The following TMEM132C variants were observed in gnomAD, a reference collection of about 807,000 sequenced individuals.
TMEM132C encodes transmembrane protein 132C, also known as protein phosphatase 1, regulatory subunit 152.
A neutral mutation model predicts 61.4 loss-of-function variants in TMEM132C; 29 were observed. The observed-to-expected ratio is 0.47, with a 90% CI of 0.35 to 0.64. The LOEUF (loss-of-function observed/expected upper bound fraction) is 0.64. Among genes scored for constraint, TMEM132C ranks in the 30% least tolerant of loss-of-function variants. TMEM132C has a pLI of 0.00. For synonymous variants in TMEM132C, 656 were observed against 633.1 expected (o/e 1.04, Z -0.54); for missense variants, 1,408 against 1,476.9 (o/e 0.95, Z 0.76).
intron 4 of TMEM132C, among the ~76,000 whole-genome samples, chr12:128,664,415 T>C (rs916153190): frequency 2.0e-5 from 3 of 152,222 alleles, no homozygotes; most frequent in Admixed American, 6.5e-5. Flanking sequence ...CCCTACCTTA[T>C]TGATTATTTT....
At chr12:128,618,410 C>T (rs11059794) in intron 4 of TMEM132C, among the ~76,000 whole-genome samples, 1 of 152,298 alleles carries the variant, frequency 6.6e-6, no homozygotes, top group East Asian at 1.9e-4. Flanking sequence ...TTCAAACAAG[C>T]TTTATTCAAA....
chr12:128,562,375 G>A (rs73159899), intron 3 of TMEM132C, among the ~76,000 whole-genome samples: 5,454 of 152,228 alleles, frequency 0.036, 154 homozygotes, highest in Non-Finnish European at 0.057. Flanking sequence ...AGGTTGTTCC[G>A]TAAGGCTGTT....
chr12:128,281,435 T>A (rs528088402), intron 1 of TMEM132C, among the ~76,000 whole-genome samples: 10 of 152,292 alleles, frequency 6.6e-5, no homozygotes, highest in Admixed American at 1.3e-4. Flanking sequence ...GGAAAGCCAA[T>A]TGTAGCATCA....
intron 1 of TMEM132C, among the ~76,000 whole-genome samples, chr12:128,357,520 C>A (rs1050492744): frequency 2.6e-5 from 4 of 151,916 alleles, no homozygotes; most frequent in Non-Finnish European, 4.4e-5. Flanking sequence ...CATGGTGAAA[C>A]CCTGTCTCTA....
rs563741432 is a variant in TMEM132C at position 128,541,879 on chromosome 12, C to T, written c.975-2078C>T. Among the ~76,000 whole-genome samples the T allele has an allele frequency of 5.9e-5, 9 of 152,216 alleles. No homozygotes were observed. The South Asian group carries it at 6.2e-4, about 11-fold the overall frequency. ...GGTGAAGATGCAGTCTAGGGGGACC[C>T]GCCTGCGAATCTCAGCATTCAGCAC... On this transcript the variant is annotated intron_variant, in intron 2 of 8. Coordinates refer to ENST00000435159, the MANE Select transcript of TMEM132C (RefSeq NM_001136103.3).
chr12:128,587,296 G>T (rs547165382), intron 3 of TMEM132C, among the ~76,000 whole-genome samples: 101 of 152,344 alleles, frequency 6.6e-4, no homozygotes, highest in African/African-American at 2.4e-3. Flanking sequence ...AGAGCAAAGT[G>T]CCAGGACATT....
chr12:128,444,253 C>G (rs1410198028), intron 2 of TMEM132C, among the ~76,000 whole-genome samples: 3 of 152,184 alleles, frequency 2.0e-5, no homozygotes, highest in Non-Finnish European at 4.4e-5. Flanking sequence ...TTGTAGCGTT[C>G]TCTTTGGACC....
chr12:128,477,576 TTTG>T (rs142652985), intron 2 of TMEM132C, among the ~76,000 whole-genome samples: 15,367 of 151,812 alleles, frequency 0.1, 967 homozygotes, highest in East Asian at 0.26. Context: ...GTTTGTTTGT[TTTG>T]TTGTTGTTGT....
At chr12:128,667,121 A>G (rs1261832201) in intron 4 of TMEM132C, among the ~76,000 whole-genome samples, 3 of 152,242 alleles carry the variant, frequency 2.0e-5, no homozygotes, top group Non-Finnish European at 4.4e-5. Context: ...AGATATATAT[A>G]CATACACATA....
chr12:128,338,563 C>T (rs1478351768), intron 1 of TMEM132C, among the ~76,000 whole-genome samples: 1 of 152,010 alleles, frequency 6.6e-6, no homozygotes, highest in Non-Finnish European at 1.5e-5. Flanking sequence ...GAGCTGAGCA[C>T]ATGCTGGGTG....
intron 1 of TMEM132C, among the ~76,000 whole-genome samples, chr12:128,269,126 A>G (rs573694025): frequency 6.6e-6 from 1 of 152,214 alleles, no homozygotes; most frequent in African/African-American, 2.4e-5. Flanking sequence ...CAAAGTGGCC[A>G]TTGAAGAATT....
chr12:128,617,203 C>G (rs1393477096), intron 4 of TMEM132C, among the ~76,000 whole-genome samples: 1 of 152,188 alleles, frequency 6.6e-6, no homozygotes, highest in African/African-American at 2.4e-5. Flanking sequence ...GCAGACCACA[C>G]TTGGAGTGTG....
At chr12:128,681,018 T>C (rs146419585) in intron 5 of TMEM132C, among the ~76,000 whole-genome samples, 1 of 152,318 alleles carries the variant, frequency 6.6e-6, no homozygotes, top group African/African-American at 2.4e-5. Context: ...TCGGGGAAGA[T>C]GTAGCTCTGG....
chr12:128,702,880 A>T (rs567573551), intron 8 of TMEM132C, among the ~76,000 whole-genome samples: 17 of 152,244 alleles, frequency 1.1e-4, no homozygotes, highest in African/African-American at 3.9e-4. Flanking sequence ...TCCGGGATGG[A>T]TGGGGACAAA....
intron 3 of TMEM132C, among the ~76,000 whole-genome samples, chr12:128,560,457 G>T (rs1313985154): frequency 1.3e-5 from 2 of 152,048 alleles, no homozygotes; most frequent in Admixed American, 1.3e-4. Context: ...TCTACCCCAG[G>T]GCTCTTGGAT....
intron 3 of TMEM132C, among the ~76,000 whole-genome samples, chr12:128,565,408 A>G (rs1239321012): frequency 1.3e-5 from 2 of 152,228 alleles, no homozygotes; most frequent in Non-Finnish European, 2.9e-5. Context: ...GTTGTTTTAA[A>G]CCACAGATTT....
chr12:128,465,075 A>G (rs1035511149), intron 2 of TMEM132C, among the ~76,000 whole-genome samples: 9 of 152,176 alleles, frequency 5.9e-5, no homozygotes, highest in South Asian at 2.1e-4. Flanking sequence ...ACGTCCTCCT[A>G]TGCTTGTTGG....
chr12:128,561,388 C>A (rs1238349188), intron 3 of TMEM132C, among the ~76,000 whole-genome samples: 1 of 152,158 alleles, frequency 6.6e-6, no homozygotes, highest in Admixed American at 6.5e-5. Context: ...AGGCTGTTCC[C>A]CTAAAAGCTT....
chr12:128,400,709 A>G (rs1480053020), intron 1 of TMEM132C, among the ~76,000 whole-genome samples: 1 of 151,564 alleles, frequency 6.6e-6, no homozygotes, highest in Non-Finnish European at 1.5e-5. Context: ...CCCGGGTTCA[A>G]GCGATTCTCT....
Sources: gnomAD v4.1 joint callset for allele counts (sites outside exome capture counted in the v4.1 genomes callset) on GRCh38, gnomAD v4.1.1 for gene constraint, MANE v1.5 for transcripts, NCBI Gene and HGNC (gene_info 2026-07-23, HGNC 2026-07-21) for gene names.